IPO11: variants seen among roughly 807,000 people sequenced by gnomAD.
IPO11 encodes importin 11, also known as importin-11.
Under a neutral mutation model 143.2 loss-of-function variants are expected in IPO11, and 66 were observed. The ratio of observed to expected loss-of-function variants is 0.46; its 90% CI spans 0.38 to 0.57. The LOEUF is 0.57. IPO11 is among the 20% of genes least tolerant of loss of function. IPO11 has a pLI of 0.00. For synonymous variants in IPO11, 385 were observed against 377.8 expected, an observed-to-expected ratio of 1.02 and a Z score of -0.22; for missense variants, 1,026 against 1,141.0, an observed-to-expected ratio of 0.90 and a Z score of 1.45.
intron 26 of IPO11, among the ~76,000 whole-genome samples, chr5:62,553,571 G>A (rs1407518713): frequency 6.6e-6 from 1 of 151,462 alleles, no homozygotes; most frequent in Non-Finnish European, 1.5e-5. Flanking sequence ...AACTCATATT[G>A]TTCTCCATAA....
chr5:62,611,656 T>A (rs1354307049), intron 29 of IPO11, among the ~76,000 whole-genome samples: 1 of 152,174 alleles, frequency 6.6e-6, no homozygotes, highest in Non-Finnish European at 1.5e-5. Flanking sequence ...ATTCAGTAAC[T>A]TTGCCCCTGT....
At chr5:62,555,663 TCTG>T (rs151245255) in intron 26 of IPO11, among the ~76,000 whole-genome samples, 4,552 of 151,736 alleles carry the variant, frequency 0.03, 219 homozygotes, top group African/African-American at 0.11. Flanking sequence ...GCCACCACGC[TCTG>T]CTAATTTGTT....
At chr5:62,488,266 C>G (rs1026158351) in intron 13 of IPO11, among the ~76,000 whole-genome samples, 1 of 152,218 alleles carries the variant, frequency 6.6e-6, no homozygotes, top group Admixed American at 6.5e-5. Context: ...GACACTTGGT[C>G]ATTACACTTT....
rs912320898 is a variant in IPO11, at chr5:62,491,721, A to G, written c.1463+1501A>G. On this transcript the variant is annotated intron_variant, in intron 15 of 29. Coordinates refer to ENST00000325324, the MANE Select transcript of IPO11 (RefSeq NM_016338.5). ...TGCTCTGTTGCCCAGGCTGTAGTGC[A>G]GTGGCGCGATCTCGACTCACTGCAA... 2.0e-5 allele frequency among the ~76,000 whole-genome samples: 3 copies of G among 147,072 alleles called. No homozygotes were observed. In the Admixed American group the frequency reaches 2.1e-4, roughly 10 times the overall value.
At chr5:62,536,580 T>C in intron 22 of IPO11, 122 bp from the exon 23 acceptor site, 1 of 1,126,320 alleles carries the variant, frequency 8.9e-7, no homozygotes, top group Non-Finnish European at 1.2e-6. Flanking sequence ...GTCTTGATAG[T>C]ACTCGGAAGA....
chr5:62,468,309 C>T (rs1003179282), intron 6 of IPO11, among the ~76,000 whole-genome samples: 5 of 152,152 alleles, frequency 3.3e-5, no homozygotes, highest in South Asian at 4.1e-4. Context: ...GTTCTTTTAT[C>T]GTACTCATTC....
intron 29 of IPO11, among the ~76,000 whole-genome samples, chr5:62,622,196 T>G (rs1165550656): frequency 2.0e-5 from 3 of 152,206 alleles, no homozygotes; most frequent in Admixed American, 6.5e-5. Context: ...GTAGCAGTGC[T>G]TCTTATTTTT....
At chr5:62,593,435 G>C (rs978001261) in intron 28 of IPO11, among the ~76,000 whole-genome samples, 3 of 152,192 alleles carry the variant, frequency 2.0e-5, no homozygotes, top group Non-Finnish European at 4.4e-5. Flanking sequence ...AATTGCTTGA[G>C]GTCTGGAATT....
chr5:62,474,360 C>T (rs1401721273), intron 7 of IPO11, 56 bp from the exon 8 acceptor site: 2 of 1,057,076 alleles, frequency 1.9e-6, no homozygotes, highest in African/African-American at 1.7e-5. Flanking sequence ...GAAAAAGATA[C>T]AAGGTAAATG....
intron 26 of IPO11, among the ~76,000 whole-genome samples, chr5:62,555,795 G>A (rs1184070600): frequency 1.3e-5 from 2 of 152,042 alleles, no homozygotes; most frequent in Non-Finnish European, 2.9e-5. Flanking sequence ...GAGCTACTGC[G>A]CCTGGCCCCA....
chr5:62,422,606 T>C (rs1166338254), intron 1 of IPO11: 1 of 152,182 alleles, frequency 6.6e-6, no homozygotes, highest in Non-Finnish European at 1.5e-5. Flanking sequence ...AATGTATAAC[T>C]TTTCTTATTA....
intron 27 of IPO11, among the ~76,000 whole-genome samples, chr5:62,570,845 A>G (rs1231658151): frequency 6.6e-6 from 1 of 152,242 alleles, no homozygotes; most frequent in Non-Finnish European, 1.5e-5. Context: ...TTTTAAACAT[A>G]TCACCTAAGA....
chr5:62,416,827 C>T (rs1335302169), intron 1 of IPO11, among the ~76,000 whole-genome samples: 3 of 151,538 alleles, frequency 2.0e-5, no homozygotes, highest in East Asian at 3.9e-4. Context: ...CAGGCTCAAG[C>T]GATCCCTCCA....
intron 29 of IPO11, among the ~76,000 whole-genome samples, chr5:62,605,591 C>T (rs1473700821): frequency 6.6e-6 from 1 of 151,394 alleles, no homozygotes; most frequent in Non-Finnish European, 1.5e-5. Context: ...AATTTATTAA[C>T]ATCTTTAGTT....
In IPO11 at chr5:62,416,746, C is replaced by T. The variant is rs558135583; in HGVS notation, c.-7+3817C>T. ...TTTTTTTTATTTTTTTTTTTTGAGACAGAGTACTCACTCTGTTTCTCAGGC... is the reference window on the plus strand; with the variant it reads ...TTTTTTTTATTTTTTTTTTTTGAGATAGAGTACTCACTCTGTTTCTCAGGC... On this transcript the variant is annotated intron_variant, in intron 1 of 29. Transcript: ENST00000325324. Among the ~76,000 whole-genome samples, 4 of 145,170 alleles carry T rather than the reference C, an allele frequency of 2.8e-5. No individual in the cohort carries two copies. The South Asian group carries it at 8.6e-4, about 31-fold the overall frequency.
intron 27 of IPO11, among the ~76,000 whole-genome samples, chr5:62,564,669 C>T (rs1029932181): frequency 6.6e-5 from 10 of 152,122 alleles, no homozygotes; most frequent in Non-Finnish European, 1.3e-4. Flanking sequence ...GTTGCACTCT[C>T]CTCTTCCTCC....
In IPO11 at chr5:62,610,400, A is replaced by G. The variant is rs1217946669; in HGVS notation, c.2763+8552A>G. Among the ~76,000 whole-genome samples, 4 of 152,222 alleles carry G rather than the reference A, an allele frequency of 2.6e-5. No homozygotes were observed. The East Asian group carries it at 7.7e-4, about 29-fold the overall frequency. On this transcript the variant is annotated intron_variant, in intron 29 of 29. Transcript: ENST00000325324. ...GTTTGAAAGATAGTGAATATAAATT[A>G]TTGCTTCTCATTTTGCATTGAGAAG...
intron 9 of IPO11, among the ~76,000 whole-genome samples, chr5:62,480,902 TTTCA>T (rs1746172918): frequency 6.9e-6 from 1 of 144,078 alleles, no homozygotes. Context: ...TGACTTCCTC[TTTCA>T]TTTTTTTTTT....
At chr5:62,481,074 C>T (rs1286053538) in intron 9 of IPO11, among the ~76,000 whole-genome samples, 1 of 151,824 alleles carries the variant, frequency 6.6e-6, no homozygotes. Flanking sequence ...CGCCACCATG[C>T]CCGGCTAATT....
Sources: gnomAD v4.1 joint callset for allele counts (sites outside exome capture counted in the v4.1 genomes callset) on GRCh38, gnomAD v4.1.1 for gene constraint, MANE v1.5 for transcripts, NCBI Gene and HGNC (gene_info 2026-07-23, HGNC 2026-07-21) for gene names.